USH2A: variants seen among roughly 807,000 people sequenced by gnomAD.
USH2A encodes usherin, also known as Usher syndrome 2A (autosomal recessive, mild).
Under a neutral mutation model 538.9 loss-of-function variants are expected in USH2A, and 443 were observed. That is an observed-to-expected ratio of 0.82 (90% CI 0.76 to 0.89). USH2A has a LOEUF of 0.89. Among genes scored for constraint, USH2A ranks in the 40% least tolerant of loss-of-function variants. The probability of loss-of-function intolerance (pLI) is 0.00; values close to 1 mark genes in which losing one functional copy is unlikely to be tolerated. For synonymous variants in USH2A, 2,413 were observed against 2,273.5 expected (o/e 1.06, Z -1.75); for missense variants, 6,633 against 6,324.8 (o/e 1.05, Z -1.65).
At chr1:215,640,871 A>G in intron 67 of USH2A, 137 bp from the exon 68 acceptor site, 2 of 946,424 alleles carry the variant, frequency 2.1e-6, no homozygotes, top group East Asian at 2.6e-5. Context: ...AAGAAAACCA[A>G]CATTGCTAGA....
intron 21 of USH2A, among the ~76,000 whole-genome samples, chr1:216,099,555 T>C (rs947278094): frequency 1.3e-5 from 2 of 152,112 alleles, no homozygotes; most frequent in Non-Finnish European, 2.9e-5. Flanking sequence ...TGATGAAATG[T>C]AGGGAGGAGA....
chr1:216,165,555 A>C (rs932741346), intron 21 of USH2A, among the ~76,000 whole-genome samples: 1 of 152,158 alleles, frequency 6.6e-6, no homozygotes, highest in Non-Finnish European at 1.5e-5. Context: ...ACTCTAAACC[A>C]TCAATACTTT....
rs766809837 is a variant in USH2A, at chr1:215,970,674, G to A, written c.6908C>T (p.Ser2303Phe). The change falls in exon 36 of 72, where the codon TCC becomes TTC. Residue 2303 changes from serine (S) to phenylalanine (F), a missense_variant. Transcript: ENST00000307340. Reference sequence around the variant, plus strand: ...GGCCGTGCATGCTTGGACTCTGAAGGAATGTAAACTCCAAGGAGCAAATCC... The same window carrying A: ...GGCCGTGCATGCTTGGACTCTGAAGAAATGTAAACTCCAAGGAGCAAATCC... Reference protein sequence around the residue: ...AYGFAPWSLHSFRVQACTAKG... With the variant: ...AYGFAPWSLHFFRVQACTAKG... 11 of 1,613,514 alleles carry A rather than the reference G, an allele frequency of 6.8e-6. No homozygotes were observed. In the East Asian group the frequency reaches 2.2e-4, roughly 33 times the overall value.
Position 215,779,961 on chromosome 1 carries a change from A to AG in USH2A, c.10820_10821insC (p.Leu3608SerfsTer7). On this transcript the variant is annotated frameshift_variant, in exon 55 of 72. Coordinates refer to ENST00000307340, the MANE Select transcript of USH2A (RefSeq NM_206933.4). LOFTEE classifies it high-confidence loss of function. ...ATTTCTCAGGGACACTCCAGCTCAG[A>AG]TGCAGAGCCACTGCACTTAGGGCTG... 6.2e-7 allele frequency: 1 copy of AG among 1,614,116 alleles called. No individual in the cohort carries two copies. The highest frequency in any genetic ancestry group is 8.5e-7 in the Non-Finnish European group (1 of 1,180,024).
intron 44 of USH2A, among the ~76,000 whole-genome samples, chr1:215,865,819 G>T (rs1024062381): frequency 6.6e-6 from 1 of 152,168 alleles, no homozygotes; most frequent in Admixed American, 6.5e-5. Flanking sequence ...CTAACCTACT[G>T]ATTTAATTTA....
At chr1:216,258,603 G>A (rs2036302813) in intron 11 of USH2A, among the ~76,000 whole-genome samples, 2 of 152,006 alleles carry the variant, frequency 1.3e-5, no homozygotes, top group African/African-American at 4.8e-5. Context: ...AGCTCCATCT[G>A]GGATTTCTCT....
At chr1:216,010,044 C>T (rs1207490232) in intron 32 of USH2A, among the ~76,000 whole-genome samples, 1 of 152,094 alleles carries the variant, frequency 6.6e-6, no homozygotes, top group African/African-American at 2.4e-5. Context: ...ATTTTATTAC[C>T]CAATCTGCTC....
chr1:215,897,775 AAGAG>A lies in USH2A; in HGVS notation c.7594+2296_7594+2299del, dbSNP rs916318487. 4.6e-5 allele frequency among the ~76,000 whole-genome samples: 7 copies of A among 152,110 alleles called. No individual in the cohort carries two copies. In the South Asian group the frequency reaches 6.2e-4, roughly 14 times the overall value. ...AGAGAGTGAGAAAGAAAGAAAGTGA[AAGAG>A]AGAGAGGGGAAAGAAAGAAACAAAG... On this transcript the variant is annotated intron_variant, in intron 40 of 71. Coordinates refer to ENST00000307340, the MANE Select transcript of USH2A (RefSeq NM_206933.4).
At chr1:216,108,013 C>T (rs2032779820) in intron 21 of USH2A, among the ~76,000 whole-genome samples, 1 of 151,728 alleles carries the variant, frequency 6.6e-6, no homozygotes, top group African/African-American at 2.4e-5. Flanking sequence ...TTCTTGTTTT[C>T]ACTAATCAAA....
At chr1:215,869,762 C>G (rs1664574760) in intron 43 of USH2A, among the ~76,000 whole-genome samples, 1 of 152,088 alleles carries the variant, frequency 6.6e-6, no homozygotes, top group Admixed American at 6.6e-5. Context: ...TAAAGTGATA[C>G]CATGTTTGTG....
chr1:216,193,608 A>G (rs1572035646), intron 19 of USH2A, among the ~76,000 whole-genome samples: 3 of 152,236 alleles, frequency 2.0e-5, no homozygotes, highest in African/African-American at 7.2e-5. Flanking sequence ...TTAGCTTAAA[A>G]TCCAATGACT....
intron 37 of USH2A, among the ~76,000 whole-genome samples, chr1:215,935,242 G>T (rs1325566992): frequency 6.6e-6 from 1 of 151,750 alleles, no homozygotes; most frequent in Non-Finnish European, 1.5e-5. Flanking sequence ...GAATTGTTCT[G>T]GATATACGTA....
At chr1:216,034,970 T>C (rs1258208662) in intron 32 of USH2A, among the ~76,000 whole-genome samples, 1 of 152,198 alleles carries the variant, frequency 6.6e-6, no homozygotes, top group Non-Finnish European at 1.5e-5. Context: ...GATGTGATTG[T>C]GAAGATGCAA....
intron 11 of USH2A, among the ~76,000 whole-genome samples, chr1:216,287,246 A>G (rs2036903570): frequency 1.3e-5 from 2 of 152,222 alleles, no homozygotes; most frequent in Non-Finnish European, 2.9e-5. Flanking sequence ...ACAAAATTCA[A>G]CACCATTCAT....
At chr1:216,162,946 T>C (rs911040267) in intron 21 of USH2A, among the ~76,000 whole-genome samples, 1 of 152,058 alleles carries the variant, frequency 6.6e-6, no homozygotes, top group Non-Finnish European at 1.5e-5. Context: ...AGCATCAATC[T>C]TCTCTCTGGG....
At chr1:215,830,886 G>T (rs1663295371) in intron 47 of USH2A, among the ~76,000 whole-genome samples, 1 of 152,068 alleles carries the variant, frequency 6.6e-6, no homozygotes, top group Non-Finnish European at 1.5e-5. Context: ...AAGGAAAACA[G>T]AATTTGGAGT....
chr1:216,095,880 T>G (rs932745992), intron 22 of USH2A, among the ~76,000 whole-genome samples: 2 of 152,148 alleles, frequency 1.3e-5, no homozygotes, highest in Non-Finnish European at 1.5e-5. Flanking sequence ...TAGACGCAAC[T>G]TGGATACAGA....
chr1:216,330,589 T>C (rs534464901), intron 4 of USH2A, among the ~76,000 whole-genome samples: 1 of 151,858 alleles, frequency 6.6e-6, no homozygotes, highest in Non-Finnish European at 1.5e-5. Flanking sequence ...TATTAGAAGG[T>C]TAGGTCAGAC....
intron 38 of USH2A, among the ~76,000 whole-genome samples, chr1:215,923,758 T>A (rs1222255522): frequency 1.3e-5 from 2 of 152,038 alleles, no homozygotes; most frequent in African/African-American, 2.4e-5. Flanking sequence ...ATGATAGTAA[T>A]CATTACTAAT....
Sources: gnomAD v4.1 joint callset for allele counts (sites outside exome capture counted in the v4.1 genomes callset) on GRCh38, gnomAD v4.1.1 for gene constraint, MANE v1.5 for transcripts, NCBI Gene and HGNC (gene_info 2026-07-23, HGNC 2026-07-21) for gene names.